The following L2HGDH variants were observed in gnomAD, a reference collection of about 807,000 sequenced individuals.
The protein encoded by L2HGDH is L-2-hydroxyglutarate dehydrogenase.
L2HGDH carries 34 observed loss-of-function variants against 51.5 expected under a neutral mutation model. The ratio of observed to expected loss-of-function variants is 0.66; its 90% confidence interval spans 0.50 to 0.88. The LOEUF (loss-of-function observed/expected upper bound fraction) is 0.88. Ranked by LOEUF, L2HGDH falls within the 40% of genes least tolerant of loss-of-function variation. L2HGDH has a pLI of 0.00. For missense variants in L2HGDH, 558 were observed against 571.9 expected (o/e 0.98, Z 0.25); for synonymous variants, 198 against 197.9 (o/e 1.00, Z -0.01).
chr14:50,304,449 C>T lies in L2HGDH; in HGVS notation c.141-1432G>A, dbSNP rs117224029. Reference sequence around the variant, plus strand: ...AAGTTTTTCTTTGAGAAGTAAACAACTCCGAGAAAATAAACCTTGGGGCAA... The same window carrying T: ...AAGTTTTTCTTTGAGAAGTAAACAATTCCGAGAAAATAAACCTTGGGGCAA... On this transcript the variant is annotated intron_variant, in intron 1 of 9. Transcript: ENST00000267436. Among the ~76,000 whole-genome samples, 136 of 152,336 alleles carry T rather than the reference C, an allele frequency of 8.9e-4. 1 individual carries two copies. The East Asian group carries it at 0.013, about 14-fold the overall frequency.
At chr14:50,253,618 T>C (rs1888490423) in intron 9 of L2HGDH, among the ~76,000 whole-genome samples, 1 of 152,060 alleles carries the variant, frequency 6.6e-6, no homozygotes, top group African/African-American at 2.4e-5. Context: ...CTGTGGCCAA[T>C]AGTTTGGAGG....
intron 9 of L2HGDH, among the ~76,000 whole-genome samples, chr14:50,256,746 T>G (rs1165949130): frequency 6.6e-6 from 1 of 152,096 alleles, no homozygotes; most frequent in Non-Finnish European, 1.5e-5. Context: ...TCTACTAAAT[T>G]GGAAATCTAT....
In L2HGDH at chr14:50,276,172, A is replaced by G. The variant is rs750190996; in HGVS notation, c.738+2348T>C. ...ACTGTTATAAAAGTTACTGGAAACT[A>G]CCTCGACCCAAAACAGCCAGGGCTG... On this transcript the variant is annotated intron_variant, in intron 6 of 9. Transcript: ENST00000267436. Among the ~76,000 whole-genome samples the G allele has an allele frequency of 1.4e-4, 21 of 152,338 alleles. No homozygotes were observed. The South Asian group carries it at 2.1e-3, about 15-fold the overall frequency.
At chr14:50,311,792 C>A (rs2031215508) in intron 1 of L2HGDH, among the ~76,000 whole-genome samples, 1 of 152,206 alleles carries the variant, frequency 6.6e-6, no homozygotes, top group Admixed American at 6.5e-5. Flanking sequence ...CAGAGCTACT[C>A]CCGACCTCTA....
At chr14:50,296,985 C>T (rs1290481993) in intron 3 of L2HGDH, among the ~76,000 whole-genome samples, 2 of 152,090 alleles carry the variant, frequency 1.3e-5, no homozygotes, top group African/African-American at 4.8e-5. Flanking sequence ...TGTATTAATA[C>T]ACTACATTAA....
intron 9 of L2HGDH, among the ~76,000 whole-genome samples, chr14:50,255,658 C>A (rs1888625464): frequency 1.3e-5 from 2 of 151,956 alleles, no homozygotes; most frequent in South Asian, 4.1e-4. Flanking sequence ...AGATCTGTGT[C>A]TTGCACATAG....
chr14:50,290,876 A>AT (rs199628176), intron 4 of L2HGDH, among the ~76,000 whole-genome samples: 1,870 of 152,116 alleles, frequency 0.012, 34 homozygotes, highest in African/African-American at 0.042. Context: ...TCTTCTTTTA[A>AT]TTTTTTTAAC....
At chr14:50,251,431 G>C (rs1337155298) in intron 9 of L2HGDH, among the ~76,000 whole-genome samples, 2 of 152,088 alleles carry the variant, frequency 1.3e-5, no homozygotes, top group Non-Finnish European at 1.5e-5. Flanking sequence ...AGGAGGTACA[G>C]AAACATATAG....
intron 4 of L2HGDH, 39 bp from the exon 5 acceptor site, chr14:50,284,072 T>C: frequency 5.7e-6 from 9 of 1,569,600 alleles, no homozygotes; most frequent in Non-Finnish European, 7.9e-6. Context: ...ATAAGAGAAA[T>C]AATACTTGCT....
chr14:50,291,015 T>C (rs1890848515), intron 4 of L2HGDH, among the ~76,000 whole-genome samples: 1 of 151,672 alleles, frequency 6.6e-6, no homozygotes. Context: ...CTGGCCAATA[T>C]GGTGAAACCC....
At position 50,292,523 on chromosome 14, in the gene L2HGDH, G is replaced by A. The variant is rs567082418; in HGVS notation, c.540+1592C>T. 6.4e-4 allele frequency among the ~76,000 whole-genome samples: 97 copies of A among 152,160 alleles called. 4 individuals carry two copies. The highest frequency in any genetic ancestry group is 4.2e-4 in the South Asian group (2 of 4,814). ...GGAGTTCAAGACCAGCCTGACCAAC[G>A]TGGAGAAACCCTGTCTATACGAAAA... On this transcript the variant is annotated intron_variant, in intron 4 of 9. Coordinates refer to ENST00000267436, the MANE Select transcript of L2HGDH (RefSeq NM_024884.3).
In L2HGDH at chr14:50,242,615, G is replaced by A. The variant is rs529295969; in HGVS notation, c.*4443C>T. 1,025 of 985,094 alleles carry A rather than the reference G, an allele frequency of 1.0e-3. 2 individuals carry two copies. The highest frequency in any genetic ancestry group is 1.2e-3 in the Non-Finnish European group (969 of 829,656). 61.0% of individuals were successfully genotyped at this position (985,094 alleles called of 1,614,324 possible). A position where few individuals can be genotyped will look rare whatever the true frequency, so the allele number is the denominator to read the frequency against. ...CTTCAGGGTTTATTTCCATTCTTAAGCTATTTAATGAGTACAAACTATTTG... is the reference window on the plus strand; with the variant it reads ...CTTCAGGGTTTATTTCCATTCTTAAACTATTTAATGAGTACAAACTATTTG... On this transcript the variant is annotated 3_prime_UTR_variant, in exon 10 of 10. Transcript: ENST00000267436.
At chr14:50,259,676 A>G (rs993055233) in intron 9 of L2HGDH, among the ~76,000 whole-genome samples, 2 of 151,614 alleles carry the variant, frequency 1.3e-5, no homozygotes, top group Non-Finnish European at 1.5e-5. Flanking sequence ...AAAAATAGGG[A>G]AAAAAAAATC....
At chr14:50,267,969 C>T in intron 7 of L2HGDH, 59 bp from the exon 8 acceptor site, 1 of 1,478,176 alleles carries the variant, frequency 6.8e-7, no homozygotes, top group Non-Finnish European at 9.5e-7. Flanking sequence ...ATCAGAGATG[C>T]AAACATTCAA....
intron 1 of L2HGDH, among the ~76,000 whole-genome samples, chr14:50,310,386 T>C (rs930138344): frequency 6.6e-6 from 1 of 152,050 alleles, no homozygotes; most frequent in African/African-American, 2.4e-5. Flanking sequence ...ATTTTTGCAA[T>C]TTCCAATGGA....
At chr14:50,281,928 C>T (rs1566524035) in intron 5 of L2HGDH, among the ~76,000 whole-genome samples, 1 of 152,182 alleles carries the variant, frequency 6.6e-6, no homozygotes, top group Non-Finnish European at 1.5e-5. Context: ...GTAACCTCCA[C>T]CTCCCGGGTT....
intron 3 of L2HGDH, among the ~76,000 whole-genome samples, chr14:50,299,547 T>A (rs2030281817): frequency 6.6e-6 from 1 of 152,194 alleles, no homozygotes; most frequent in South Asian, 2.1e-4. Flanking sequence ...CCAATATTCC[T>A]GATGAACACT....
intron 3 of L2HGDH, among the ~76,000 whole-genome samples, chr14:50,295,572 ATTTTTTTTTTTT>A (rs545388262): frequency 2.2e-4 from 23 of 105,802 alleles, no homozygotes; most frequent in African/African-American, 4.6e-4. Context: ...CACTCGGCTA[ATTTTTTTTTTTT>A]TTTTTTTTTT....
chr14:50,312,173 T>G lies in L2HGDH; in HGVS notation c.-23A>C, dbSNP rs768957165. On this transcript the variant is annotated 5_prime_UTR_variant, in exon 1 of 10. Coordinates refer to ENST00000267436, the MANE Select transcript of L2HGDH (RefSeq NM_024884.3). ...CATCCCCTACGCACGCTCCCCTCCC[T>G]CAGCGCTCAGAAGAAGCCACTTGAC... 6.2e-7 allele frequency: 1 copy of G among 1,607,700 alleles called. No homozygotes were observed. The highest frequency in any genetic ancestry group is 8.5e-7 in the Non-Finnish European group (1 of 1,179,006).
Sources: allele counts gnomAD v4.1 joint callset (sites outside exome capture counted in the v4.1 genomes callset), GRCh38; gene constraint gnomAD v4.1.1; transcripts MANE v1.5; gene names NCBI Gene and HGNC (gene_info 2026-07-23, HGNC 2026-07-21).